The following NXPH1 variants were observed in gnomAD, a reference collection of about 807,000 sequenced individuals.
NXPH1 encodes the protein neurexophilin 1.
Under a neutral mutation model 23.7 loss-of-function variants are expected in NXPH1, and 5 were observed. That is an observed-to-expected ratio of 0.21 (90% CI 0.11 to 0.44). NXPH1 has a LOEUF of 0.44. NXPH1 is among the 20% of genes least tolerant of loss of function. The pLI, the probability that NXPH1 is intolerant of heterozygous loss-of-function variation, is 0.99. For missense variants in NXPH1, 324 were observed against 321.6 expected (o/e 1.01, Z -0.06); for synonymous variants, 144 against 122.2 (o/e 1.18, Z -1.18).
intron 2 of NXPH1, among the ~76,000 whole-genome samples, chr7:8,549,258 G>A (rs1818242001): frequency 6.6e-6 from 1 of 151,444 alleles, no homozygotes; most frequent in Non-Finnish European, 1.5e-5. Context: ...AACAGGTAAT[G>A]CAATTCTCCA....
At chr7:8,642,938 C>T (rs1820341449) in intron 2 of NXPH1, among the ~76,000 whole-genome samples, 2 of 151,898 alleles carry the variant, frequency 1.3e-5, no homozygotes, top group African/African-American at 4.8e-5. Context: ...AATCTCGGTT[C>T]ACCACAACCT....
chr7:8,536,138 T>A (rs1818021558), intron 2 of NXPH1, among the ~76,000 whole-genome samples: 1 of 152,090 alleles, frequency 6.6e-6, no homozygotes. Context: ...AGTGCTAAGA[T>A]CATGTTGCTC....
At chr7:8,494,686 A>G (rs569085645) in intron 2 of NXPH1, among the ~76,000 whole-genome samples, 3 of 152,194 alleles carry the variant, frequency 2.0e-5, no homozygotes, top group South Asian at 4.1e-4. Flanking sequence ...AGTACAACCA[A>G]TTGGTTCTAT....
intron 2 of NXPH1, among the ~76,000 whole-genome samples, chr7:8,732,841 C>T (rs1399668030): frequency 6.6e-6 from 1 of 152,026 alleles, no homozygotes; most frequent in East Asian, 1.9e-4. Flanking sequence ...TTTATAAGGA[C>T]TATACCCTTG....
intron 2 of NXPH1, among the ~76,000 whole-genome samples, chr7:8,502,677 T>A (rs962016645): frequency 1.3e-5 from 2 of 151,586 alleles, no homozygotes; most frequent in Non-Finnish European, 2.9e-5. Flanking sequence ...AGATAGAGCT[T>A]TCAAGGAAGA....
chr7:8,700,544 T>C (rs749412833), intron 2 of NXPH1, among the ~76,000 whole-genome samples: 7 of 152,164 alleles, frequency 4.6e-5, no homozygotes, highest in Non-Finnish European at 1.0e-4. Context: ...TTTGATAATA[T>C]AAAAACCTTA....
intron 2 of NXPH1, among the ~76,000 whole-genome samples, chr7:8,552,692 A>G (rs1818298598): frequency 1.3e-5 from 2 of 151,544 alleles, no homozygotes; most frequent in Admixed American, 1.3e-4. Context: ...GCGAAGGCAC[A>G]GAAAAATACT....
chr7:8,744,565 A>G (rs771729261), intron 2 of NXPH1, among the ~76,000 whole-genome samples: 59 of 152,182 alleles, frequency 3.9e-4, no homozygotes, highest in Non-Finnish European at 6.6e-4. Flanking sequence ...GCACAATACC[A>G]TCTACTCATA....
chr7:8,750,976 A>G (rs748479673), intron 2 of NXPH1, 32 bp from the exon 3 acceptor site: 3 of 1,605,864 alleles, frequency 1.9e-6, no homozygotes, highest in East Asian at 2.2e-5. Flanking sequence ...AGATGCAGAG[A>G]TGTAAATGCC....
At chr7:8,581,496 A>G (rs1386198415) in intron 2 of NXPH1, among the ~76,000 whole-genome samples, 1 of 152,010 alleles carries the variant, frequency 6.6e-6, no homozygotes, top group African/African-American at 2.4e-5. Flanking sequence ...GTGAGAGCTC[A>G]CTCACTGTCA....
chr7:8,728,767 C>T (rs1306426521), intron 2 of NXPH1, among the ~76,000 whole-genome samples: 1 of 152,156 alleles, frequency 6.6e-6, no homozygotes, highest in African/African-American at 2.4e-5. Context: ...ATTTTTGCAT[C>T]AATATTCATC....
At chr7:8,646,336 G>A (rs573242899) in intron 2 of NXPH1, among the ~76,000 whole-genome samples, 4 of 152,084 alleles carry the variant, frequency 2.6e-5, no homozygotes, top group South Asian at 2.1e-4. Context: ...TCTCATATCC[G>A]ACAATCTTTT....
At chr7:8,533,580 T>C (rs1329035603) in intron 2 of NXPH1, among the ~76,000 whole-genome samples, 1 of 152,168 alleles carries the variant, frequency 6.6e-6, no homozygotes, top group Non-Finnish European at 1.5e-5. Flanking sequence ...TATGGTTATT[T>C]ATGGCTAGCG....
intron 2 of NXPH1, among the ~76,000 whole-genome samples, chr7:8,735,354 G>C (rs553964550): frequency 4.1e-4 from 63 of 152,070 alleles, no homozygotes; most frequent in South Asian, 1.9e-3. Flanking sequence ...AGCATGAAGG[G>C]TTGAGTTTTA....
intron 2 of NXPH1, among the ~76,000 whole-genome samples, chr7:8,738,415 A>AT (rs1780299485): frequency 1.3e-5 from 2 of 152,050 alleles, no homozygotes; most frequent in South Asian, 2.1e-4. Flanking sequence ...CTGGAGGTCC[A>AT]CTCCAGACCC....
At chr7:8,621,961 A>G (rs1478590429) in intron 2 of NXPH1, among the ~76,000 whole-genome samples, 1 of 152,186 alleles carries the variant, frequency 6.6e-6, no homozygotes, top group Admixed American at 6.5e-5. Context: ...CCATCTGTCT[A>G]AGATGAACAG....
intron 2 of NXPH1, among the ~76,000 whole-genome samples, chr7:8,678,811 T>C (rs908027739): frequency 6.6e-6 from 1 of 152,034 alleles, no homozygotes; most frequent in Non-Finnish European, 1.5e-5. Context: ...TTTGTTTATG[T>C]AGAGTGGTCC....
intron 2 of NXPH1, among the ~76,000 whole-genome samples, chr7:8,592,826 C>CT (rs536236220): frequency 0.3 from 42,525 of 142,826 alleles, 6,888 homozygotes; most frequent in African/African-American, 0.45. Context: ...GTGAAATAGT[C>CT]TTTTTTTTTT....
chr7:8,715,960 G>A (rs1045769493), intron 2 of NXPH1, among the ~76,000 whole-genome samples: 3 of 152,072 alleles, frequency 2.0e-5, no homozygotes, highest in African/African-American at 4.8e-5. Flanking sequence ...TGTATTAGCA[G>A]TTGTCAATGC....
Sources: gnomAD v4.1 joint callset for allele counts (sites outside exome capture counted in the v4.1 genomes callset) on GRCh38, gnomAD v4.1.1 for gene constraint, MANE v1.5 for transcripts, NCBI Gene and HGNC (gene_info 2026-07-23, HGNC 2026-07-21) for gene names.